Variants in CEP164 observed in about 807,000 individuals in gnomAD.
The protein encoded by CEP164 is centrosomal protein 164.
In CEP164, 162 loss-of-function variants were observed where a neutral mutation model predicts 182.7. That is an observed-to-expected ratio of 0.89 (90% CI 0.78 to 1.01). The LOEUF is 1.01. Ranked by LOEUF, CEP164 falls within the 50% of genes least tolerant of loss-of-function variation. The pLI is 0.00. For missense variants in CEP164, 1,735 were observed against 1,790.4 expected, an observed-to-expected ratio of 0.97 and a Z score of 0.56; for synonymous variants, 661 against 690.0, an observed-to-expected ratio of 0.96 and a Z score of 0.66.
intron 14 of CEP164, among the ~76,000 whole-genome samples, chr11:117,383,248 C>T (rs547010891): frequency 1.3e-5 from 2 of 152,282 alleles, no homozygotes; most frequent in Admixed American, 6.5e-5. Context: ...TCCTGTCTAC[C>T]AAGCACTGTT....
At chr11:117,361,575 C>T (rs967951206) in intron 5 of CEP164, among the ~76,000 whole-genome samples, 14 of 151,916 alleles carry the variant, frequency 9.2e-5, no homozygotes, top group Admixed American at 1.3e-4. Context: ...CAGAACCCCA[C>T]GCAGCATCTG....
chr11:117,374,396 T>G (rs564018726), intron 10 of CEP164, among the ~76,000 whole-genome samples: 1 of 152,154 alleles, frequency 6.6e-6, no homozygotes, highest in African/African-American at 2.4e-5. Flanking sequence ...TTCAGGGTGC[T>G]TTTTGGCAGA....
chr11:117,382,431 TTGTC>T (rs1412943855), intron 13 of CEP164, among the ~76,000 whole-genome samples: 2 of 152,182 alleles, frequency 1.3e-5, no homozygotes, highest in African/African-American at 4.8e-5. Context: ...CATTTGCTAG[TTGTC>T]TGTCCCCCTA....
Position 117,367,459 on chromosome 11 carries a change from C to T in CEP164, c.766-3621C>T, listed in dbSNP as rs1592197223. ...GAAGAATTTAAGCATAAGAATTGAG[C>T]TGGGCCTAAGATTATTGCAATTTGG... is the stretch of plus-strand genomic sequence containing the variant. On this transcript the variant is annotated intron_variant, in intron 8 of 32. Transcript: ENST00000278935. 5.3e-5 allele frequency among the ~76,000 whole-genome samples: 8 copies of T among 152,318 alleles called. No homozygotes were observed. In the South Asian group the frequency reaches 1.7e-3, roughly 32 times the overall value.
At chr11:117,361,365 C>T (rs542389642) in intron 5 of CEP164, among the ~76,000 whole-genome samples, 5 of 149,356 alleles carry the variant, frequency 3.3e-5, no homozygotes, top group South Asian at 4.3e-4. Context: ...TTCAGCCTCC[C>T]GAGTAGCTGG....
In CEP164 at chr11:117,410,076, C is replaced by T. The variant is rs1443958685; in HGVS notation, c.4096+111C>T. ...CTTTTCTCCTCTTCCTCTTTTGCATCCCTTTGCCACACCTCTCCTCCCCCA... is the reference window on the plus strand; with the variant it reads ...CTTTTCTCCTCTTCCTCTTTTGCATTCCTTTGCCACACCTCTCCTCCCCCA... On this transcript the variant is annotated intron_variant, in intron 30 of 32. Transcript: ENST00000278935. 6.9e-6 allele frequency: 7 copies of T among 1,007,294 alleles called. No individual in the cohort carries two copies. In the Admixed American group the frequency reaches 1.2e-4, roughly 17 times the overall value. The allele number at this position is 1,007,294 out of a possible 1,614,324, so 62.4% of individuals were successfully genotyped here.
intron 10 of CEP164, 94 bp downstream of exon 10, chr11:117,373,925 T>C (rs1014321928): frequency 6.6e-6 from 7 of 1,067,166 alleles, no homozygotes; most frequent in African/African-American, 1.6e-5. Context: ...ACGCAGCTTA[T>C]AAGTGGGAGA....
At chr11:117,339,356 G>A (rs555710290) in intron 3 of CEP164, among the ~76,000 whole-genome samples, 42 of 152,096 alleles carry the variant, frequency 2.8e-4, no homozygotes, top group Non-Finnish European at 4.6e-4. Flanking sequence ...AATACAGTGT[G>A]TTCTGAGACC....
intron 15 of CEP164, 99 bp from the exon 16 acceptor site, chr11:117,390,678 C>T: frequency 7.0e-7 from 1 of 1,423,742 alleles, no homozygotes; most frequent in Non-Finnish European, 9.6e-7. Flanking sequence ...GTTTCTTAGG[C>T]AGGCAACAGG....
intron 27 of CEP164, among the ~76,000 whole-genome samples, chr11:117,404,676 G>A (rs1383303374): frequency 6.6e-6 from 1 of 152,240 alleles, no homozygotes; most frequent in Admixed American, 6.5e-5. Context: ...CAGAGCCCAA[G>A]TGCTGTGCTG....
At chr11:117,393,795 A>T (rs1046008524) in intron 20 of CEP164, among the ~76,000 whole-genome samples, 1 of 152,232 alleles carries the variant, frequency 6.6e-6, no homozygotes, top group Non-Finnish European at 1.5e-5. Context: ...AGGAAAGTTC[A>T]GCGACTTGAG....
intron 1 of CEP164, among the ~76,000 whole-genome samples, chr11:117,322,134 G>C (rs2035265424): frequency 6.6e-6 from 1 of 151,870 alleles, no homozygotes; most frequent in African/African-American, 2.4e-5. Context: ...ATTTATTTTT[G>C]AGGTGGAGTC....
At chr11:117,375,872 G>T in intron 11 of CEP164, 81 bp downstream of exon 11, 1 of 1,222,460 alleles carries the variant, frequency 8.2e-7, no homozygotes, top group Non-Finnish European at 1.2e-6. Flanking sequence ...ACTGAGCCCT[G>T]CCCATCACAG....
At chr11:117,350,754 A>G (rs371877224) in intron 4 of CEP164, among the ~76,000 whole-genome samples, 324 of 152,226 alleles carry the variant, frequency 2.1e-3, no homozygotes, top group African/African-American at 7.4e-3. Context: ...ATTCTGGAAT[A>G]CTGAATGCCT....
rs909417294 is a variant in CEP164 at position 117,395,620 on chromosome 11, A to G, written c.2987A>G (p.Gln996Arg). Residue 996 changes from glutamine to arginine, a missense_variant, in exon 24 of 33, where the codon CAG (glutamine) becomes CGG (arginine). Transcript: ENST00000278935. ...ACCCACCTGTTGCAGTCAAACCAGC[A>G]GCTCCGAGAAATTCTTGATGAGCTG... is the stretch of plus-strand genomic sequence containing the variant. ...EHTHLLQSNQ[Q>R]LREILDELQA... is the part of the protein sequence containing the mutation. 9 of 1,613,878 alleles carry G rather than the reference A, an allele frequency of 5.6e-6. No individual in the cohort carries two copies. In the African/African-American group the frequency reaches 1.2e-4, roughly 22 times the overall value.
chr11:117,387,097 C>T lies in CEP164; in HGVS notation c.1725-106C>T, dbSNP rs143040968. On this transcript the variant is annotated intron_variant, in intron 14 of 32. Coordinates refer to ENST00000278935, the MANE Select transcript of CEP164 (RefSeq NM_014956.5). ...ACCTCTTTGACTCCTGATTGTGGGC[C>T]CTCCATTAGGATTCCATCTGTGATG... 183 of 982,370 alleles carry T rather than the reference C, an allele frequency of 1.9e-4. No homozygotes were observed. The African/African-American group carries it at 2.6e-3, about 14-fold the overall frequency. 60.9% of individuals were successfully genotyped at this position (982,370 alleles called of 1,614,324 possible).
At chr11:117,321,812 A>G (rs56967930) in intron 1 of CEP164, among the ~76,000 whole-genome samples, 24,084 of 151,890 alleles carry the variant, frequency 0.16, 2,056 homozygotes, top group African/African-American at 0.17. Context: ...ACCCTTCCAC[A>G]TCAGCCTCTG....
At chr11:117,387,437 C>A in intron 15 of CEP164, 25 bp downstream of exon 15, 1 of 1,607,818 alleles carries the variant, frequency 6.2e-7, no homozygotes, top group Non-Finnish European at 8.5e-7. Flanking sequence ...CTTAGGCATG[C>A]TTCCTGGGGC....
chr11:117,371,737 A>G (rs1342609821), intron 9 of CEP164, among the ~76,000 whole-genome samples: 1 of 151,192 alleles, frequency 6.6e-6, no homozygotes, highest in East Asian at 1.9e-4. Flanking sequence ...CCCTCCTGGA[A>G]TGTTCATTTT....
Sources: gnomAD v4.1 joint callset for allele counts (sites outside exome capture counted in the v4.1 genomes callset) on GRCh38, gnomAD v4.1.1 for gene constraint, MANE v1.5 for transcripts, NCBI Gene and HGNC (gene_info 2026-07-23, HGNC 2026-07-21) for gene names.